RAB3C: variants seen among roughly 807,000 people sequenced by gnomAD.
RAB3C encodes the protein RAB3C, member RAS oncogene family, also known as ras-related protein Rab-3C.
In RAB3C, 17 loss-of-function variants were observed where a neutral mutation model predicts 26.4. The observed-to-expected ratio is 0.64, with a 90% CI of 0.44 to 0.97. RAB3C has a LOEUF of 0.97. Ranked by LOEUF, RAB3C falls within the 50% of genes least tolerant of loss-of-function variation. The pLI is 0.00. For missense variants in RAB3C, 242 were observed against 281.9 expected (o/e 0.86, Z 1.01); for synonymous variants, 91 against 95.9 (o/e 0.95, Z 0.30).
chr5:58,719,400 C>T (rs73102355), intron 2 of RAB3C, among the ~76,000 whole-genome samples: 3,458 of 152,046 alleles, frequency 0.023, 140 homozygotes, highest in African/African-American at 0.079. Flanking sequence ...TCTCCATAGA[C>T]CACCTTGAAT....
intron 1 of RAB3C, among the ~76,000 whole-genome samples, chr5:58,599,069 G>T (rs1746393158): frequency 6.6e-6 from 1 of 152,028 alleles, no homozygotes; most frequent in Admixed American, 6.6e-5. Context: ...CAAAAACCTT[G>T]CCTAAATGTT....
At chr5:58,745,565 A>G (rs1741386894) in intron 3 of RAB3C, among the ~76,000 whole-genome samples, 1 of 152,068 alleles carries the variant, frequency 6.6e-6, no homozygotes, top group Non-Finnish European at 1.5e-5. Flanking sequence ...GCCGGTCTCT[A>G]TAGTCCTCCT....
At chr5:58,613,257 C>T (rs1746752923) in intron 1 of RAB3C, among the ~76,000 whole-genome samples, 1 of 152,140 alleles carries the variant, frequency 6.6e-6, no homozygotes, top group Non-Finnish European at 1.5e-5. Context: ...AGCAACAACA[C>T]AGTGGCTTTC....
intron 3 of RAB3C, among the ~76,000 whole-genome samples, chr5:58,734,638 A>G (rs952047317): frequency 6.6e-6 from 1 of 152,180 alleles, no homozygotes. Context: ...CAAAAACTCA[A>G]AACACCCTGT....
intron 1 of RAB3C, among the ~76,000 whole-genome samples, chr5:58,587,061 C>A (rs1479307864): frequency 1.3e-5 from 2 of 151,008 alleles, no homozygotes; most frequent in East Asian, 3.9e-4. Flanking sequence ...ATGAGAAATT[C>A]TTCCTTACTC....
At chr5:58,805,603 A>AAAAGAG (rs10691454) in intron 3 of RAB3C, among the ~76,000 whole-genome samples, 6 of 132,936 alleles carry the variant, frequency 4.5e-5, no homozygotes, top group African/African-American at 1.4e-4. Context: ...AAAAAAAAAA[A>AAAAGAG]AGAGAGAGAG....
At chr5:58,679,918 GCT>G (rs776614536) in intron 2 of RAB3C, among the ~76,000 whole-genome samples, 1 of 152,118 alleles carries the variant, frequency 6.6e-6, no homozygotes, top group Non-Finnish European at 1.5e-5. Flanking sequence ...TGTGTGCTAT[GCT>G]CTTTCTTTTA....
intron 2 of RAB3C, among the ~76,000 whole-genome samples, chr5:58,716,752 A>G (rs1245973474): frequency 6.0e-5 from 9 of 150,308 alleles, no homozygotes; most frequent in Admixed American, 6.0e-4. Flanking sequence ...CCATCCCCAA[A>G]CCATGACTCG....
At chr5:58,777,155 C>A (rs903583854) in intron 3 of RAB3C, among the ~76,000 whole-genome samples, 4 of 152,096 alleles carry the variant, frequency 2.6e-5, no homozygotes, top group African/African-American at 9.7e-5. Context: ...CTATCCTTGT[C>A]ACTTCTCACT....
chr5:58,775,535 A>C (rs1019224492), intron 3 of RAB3C, among the ~76,000 whole-genome samples: 5 of 152,094 alleles, frequency 3.3e-5, no homozygotes, highest in African/African-American at 1.2e-4. Context: ...GTGGATGGAA[A>C]TGGGATGACC....
At chr5:58,736,829 G>T (rs923893481) in intron 3 of RAB3C, among the ~76,000 whole-genome samples, 1 of 152,118 alleles carries the variant, frequency 6.6e-6, no homozygotes, top group East Asian at 1.9e-4. Context: ...ATACACTGCT[G>T]CCACCTGGTT....
intron 1 of RAB3C, among the ~76,000 whole-genome samples, chr5:58,598,859 G>A (rs1361806238): frequency 2.6e-5 from 4 of 152,072 alleles, no homozygotes; most frequent in African/African-American, 9.7e-5. Flanking sequence ...ATAAGAGAAA[G>A]CATATTCTGT....
chr5:58,630,510 A>T (rs550187538), intron 2 of RAB3C, among the ~76,000 whole-genome samples: 1 of 152,376 alleles, frequency 6.6e-6, no homozygotes, highest in African/African-American at 2.4e-5. Context: ...TTTGAAAGAC[A>T]GTACAATTAG....
intron 2 of RAB3C, among the ~76,000 whole-genome samples, chr5:58,651,149 T>C (rs1274202241): frequency 6.6e-6 from 1 of 152,192 alleles, no homozygotes; most frequent in Non-Finnish European, 1.5e-5. Flanking sequence ...GGATCAGCAA[T>C]AGAAGTAGCA....
intron 1 of RAB3C, among the ~76,000 whole-genome samples, chr5:58,614,991 G>A (rs1018594100): frequency 6.6e-6 from 1 of 152,110 alleles, no homozygotes; most frequent in Non-Finnish European, 1.5e-5. Context: ...ATATGCATAA[G>A]TCATATGTGA....
intron 2 of RAB3C, among the ~76,000 whole-genome samples, chr5:58,626,273 G>A (rs1296037020): frequency 6.6e-6 from 1 of 152,156 alleles, no homozygotes; most frequent in Non-Finnish European, 1.5e-5. Context: ...GGCTCAATAT[G>A]TAGGTATGAA....
chr5:58,586,828 T>G (rs1746017856), intron 1 of RAB3C, among the ~76,000 whole-genome samples: 2 of 152,278 alleles, frequency 1.3e-5, no homozygotes, highest in African/African-American at 4.8e-5. Context: ...TAGTTATATA[T>G]TAAAGTTAGC....
Position 58,837,710 on chromosome 5 carries a change from C to A in RAB3C, c.496+12548C>A, listed in dbSNP as rs1020775339. On this transcript the variant is annotated intron_variant, in intron 4 of 4. Transcript: ENST00000282878. ...AGTAGCTGGAAGTACAGGTGCCCAC[C>A]ACCACACCCAGATAATTTTTAAGTA... Among the ~76,000 whole-genome samples, 5 of 150,626 alleles carry A rather than the reference C, an allele frequency of 3.3e-5. No homozygotes were observed. The South Asian group carries it at 6.3e-4, about 19-fold the overall frequency.
At chr5:58,797,356 ATGT>A (rs1235770667) in intron 3 of RAB3C, among the ~76,000 whole-genome samples, 1,754 of 33,090 alleles carry the variant, frequency 0.053, 99 homozygotes, top group South Asian at 0.082. Context: ...AAAAAAAAAT[ATGT>A]ATATATATAA....
Sources: allele counts gnomAD v4.1 joint callset (sites outside exome capture counted in the v4.1 genomes callset), GRCh38; gene constraint gnomAD v4.1.1; transcripts MANE v1.5; gene names NCBI Gene and HGNC (gene_info 2026-07-23, HGNC 2026-07-21).